Variants in ADAMTSL1 observed in about 807,000 individuals in gnomAD.
ADAMTSL1 encodes ADAMTS-like protein 1.
Under a neutral mutation model 201.8 loss-of-function variants are expected in ADAMTSL1, and 126 were observed. The ratio of observed to expected loss-of-function variants is 0.62; its 90% confidence interval spans 0.54 to 0.72. The LOEUF (loss-of-function observed/expected upper bound fraction) is 0.72. Among genes scored for constraint, ADAMTSL1 ranks in the 30% least tolerant of loss-of-function variants. ADAMTSL1 has a pLI of 0.00. For synonymous variants in ADAMTSL1, 1,121 were observed against 903.4 expected, an observed-to-expected ratio of 1.24 and a Z score of -4.32; for missense variants, 2,679 against 2,277.8, an observed-to-expected ratio of 1.18 and a Z score of -3.59.
At chr9:18,056,724 T>A (rs531169124) in intron 1 of ADAMTSL1, among the ~76,000 whole-genome samples, 1 of 152,262 alleles carries the variant, frequency 6.6e-6, no homozygotes, top group South Asian at 2.1e-4. Context: ...CTCAGACCCT[T>A]CAGGTAGAAC....
At chr9:18,710,862 C>T (rs2133355358) in intron 14 of ADAMTSL1, among the ~76,000 whole-genome samples, 1 of 152,026 alleles carries the variant, frequency 6.6e-6, no homozygotes, top group South Asian at 2.1e-4. Flanking sequence ...AACAAAACAG[C>T]AATACTTACT....
At chr9:18,150,981 C>T (rs1288443403) in intron 1 of ADAMTSL1, among the ~76,000 whole-genome samples, 1 of 151,764 alleles carries the variant, frequency 6.6e-6, no homozygotes, top group Admixed American at 6.6e-5. Flanking sequence ...ATGGGATCCC[C>T]AGTGGAGAAT....
At chr9:18,166,824 G>A (rs1056171520) in intron 2 of ADAMTSL1, among the ~76,000 whole-genome samples, 3 of 151,908 alleles carry the variant, frequency 2.0e-5, no homozygotes, top group African/African-American at 4.8e-5. Context: ...TTTGTGGCAC[G>A]CTTTAACCTA....
At chr9:18,398,243 T>C (rs1817829344) in intron 2 of ADAMTSL1, among the ~76,000 whole-genome samples, 1 of 152,164 alleles carries the variant, frequency 6.6e-6, no homozygotes, top group South Asian at 2.1e-4. Context: ...TGCGGTTGAA[T>C]TACTCTGCTA....
intron 19 of ADAMTSL1, among the ~76,000 whole-genome samples, chr9:18,787,151 T>C (rs1039734611): frequency 3.3e-5 from 5 of 152,280 alleles, no homozygotes; most frequent in Non-Finnish European, 5.9e-5. Context: ...AACAAGCCCA[T>C]TTCAGTTTGG....
At chr9:18,105,642 C>T (rs1824724478) in intron 1 of ADAMTSL1, among the ~76,000 whole-genome samples, 1 of 152,266 alleles carries the variant, frequency 6.6e-6, no homozygotes, top group Non-Finnish European at 1.5e-5. Context: ...ACAAAGAGTG[C>T]TTTGCAGACC....
intron 21 of ADAMTSL1, among the ~76,000 whole-genome samples, chr9:18,824,751 G>T (rs1824431505): frequency 7.8e-6 from 1 of 129,002 alleles, no homozygotes; most frequent in South Asian, 2.6e-4. Context: ...AGGCTGGAGT[G>T]CAGTGAGGTG....
intron 1 of ADAMTSL1, among the ~76,000 whole-genome samples, chr9:18,157,102 T>C (rs950542169): frequency 3.9e-5 from 6 of 152,156 alleles, no homozygotes; most frequent in African/African-American, 1.4e-4. Flanking sequence ...GGTTGCTGAA[T>C]GTCTTCTCAG....
At chr9:18,527,040 G>C (rs1228862609) in intron 2 of ADAMTSL1, among the ~76,000 whole-genome samples, 23 of 152,036 alleles carry the variant, frequency 1.5e-4, no homozygotes. Flanking sequence ...GAGGATCAGT[G>C]GTACCCAGGA....
chr9:18,056,810 T>C (rs1822209814), intron 1 of ADAMTSL1, among the ~76,000 whole-genome samples: 1 of 152,180 alleles, frequency 6.6e-6, no homozygotes, highest in Non-Finnish European at 1.5e-5. Flanking sequence ...TCTGGGTTTC[T>C]GCCCAACTTC....
At chr9:17,955,611 C>A (rs1827899010) in intron 1 of ADAMTSL1, among the ~76,000 whole-genome samples, 1 of 152,158 alleles carries the variant, frequency 6.6e-6, no homozygotes. Flanking sequence ...GCTCCTTCCT[C>A]CTTTGTCCTA....
chr9:18,149,340 G>A (rs1318240973), intron 1 of ADAMTSL1, among the ~76,000 whole-genome samples: 12 of 152,070 alleles, frequency 7.9e-5, no homozygotes, highest in African/African-American at 2.9e-4. Flanking sequence ...GCCATCCAAT[G>A]TTGCTAAAGC....
chr9:18,635,699 A>G (rs935300277), intron 5 of ADAMTSL1, among the ~76,000 whole-genome samples: 2 of 152,342 alleles, frequency 1.3e-5, no homozygotes, highest in South Asian at 4.1e-4. Context: ...ATTTTTCAGT[A>G]TATCAAAATT....
chr9:18,009,409 C>T (rs1454262738), intron 1 of ADAMTSL1, among the ~76,000 whole-genome samples: 1 of 151,960 alleles, frequency 6.6e-6, no homozygotes. Flanking sequence ...GCCTATTTGC[C>T]TCACAGCACA....
At chr9:17,971,988 C>G (rs964328993) in intron 1 of ADAMTSL1, among the ~76,000 whole-genome samples, 3 of 151,382 alleles carry the variant, frequency 2.0e-5, no homozygotes, top group Non-Finnish European at 2.9e-5. Flanking sequence ...ATAGAATTGA[C>G]AAAATTATAT....
intron 22 of ADAMTSL1, among the ~76,000 whole-genome samples, chr9:18,827,506 G>T (rs912530272): frequency 6.6e-6 from 1 of 152,160 alleles, no homozygotes; most frequent in Non-Finnish European, 1.5e-5. Context: ...ATCTTAAGAA[G>T]CCACAGAAAA....
At chr9:17,917,922 T>C (rs572215524) in intron 1 of ADAMTSL1, among the ~76,000 whole-genome samples, 1 of 152,114 alleles carries the variant, frequency 6.6e-6, no homozygotes, top group East Asian at 1.9e-4. Flanking sequence ...AGTTCGTCAG[T>C]TTCATCTAAC....
intron 15 of ADAMTSL1, among the ~76,000 whole-genome samples, chr9:18,733,825 G>C (rs967579399): frequency 6.6e-5 from 10 of 151,668 alleles, no homozygotes; most frequent in Admixed American, 6.6e-4. Context: ...CAAATTCCCA[G>C]CTGACCCTTC....
At chr9:18,267,928 A>C (rs182880093) in intron 2 of ADAMTSL1, among the ~76,000 whole-genome samples, 19 of 152,238 alleles carry the variant, frequency 1.2e-4, no homozygotes, top group African/African-American at 4.6e-4. Context: ...ATAATCTCAC[A>C]ATATACAGAT....
Sources: gnomAD v4.1 joint callset for allele counts (sites outside exome capture counted in the v4.1 genomes callset) on GRCh38, gnomAD v4.1.1 for gene constraint, MANE v1.5 for transcripts, NCBI Gene and HGNC (gene_info 2026-07-23, HGNC 2026-07-21) for gene names.